M1AP: variants seen among roughly 807,000 people sequenced by gnomAD.
The protein encoded by M1AP is meiosis 1 associated protein.
Under a neutral mutation model 51.2 loss-of-function variants are expected in M1AP, and 39 were observed. The observed-to-expected ratio is 0.76, with a 90% confidence interval of 0.59 to 1.00. The LOEUF (loss-of-function observed/expected upper bound fraction) is 1.00. M1AP is among the 50% of genes least tolerant of loss of function. M1AP has a pLI of 0.00. For synonymous variants in M1AP, 251 were observed against 249.2 expected (o/e 1.01, Z -0.07); for missense variants, 545 against 641.2 (o/e 0.85, Z 1.62).
At chr2:74,629,797 G>A (rs1682601031) in intron 2 of M1AP, among the ~76,000 whole-genome samples, 1 of 151,984 alleles carries the variant, frequency 6.6e-6, no homozygotes, top group Admixed American at 6.5e-5. Context: ...TGTATATAAG[G>A]TATATACGAA....
chr2:74,587,950 T>C (rs1679812151), intron 4 of M1AP, among the ~76,000 whole-genome samples: 1 of 137,598 alleles, frequency 7.3e-6, no homozygotes, highest in Non-Finnish European at 1.5e-5. Flanking sequence ...AACCTTAAAA[T>C]AGGGTTATAA....
At chr2:74,562,561 G>GTCCCTCCCTACCA in intron 7 of M1AP, 138 bp from the exon 8 acceptor site, 1 of 787,902 alleles carries the variant, frequency 1.3e-6, no homozygotes. Context: ...CTGGTAGGGA[G>GTCCCTCCCTACCA]GGACTTCCTG....
At chr2:74,564,837 T>C (rs1678269707) in intron 7 of M1AP, among the ~76,000 whole-genome samples, 2 of 152,220 alleles carry the variant, frequency 1.3e-5, no homozygotes, top group Admixed American at 1.3e-4. Flanking sequence ...TAACTTCTGA[T>C]GGGGCTCAGG....
intron 1 of M1AP, among the ~76,000 whole-genome samples, chr2:74,642,255 A>G (rs1281872685): frequency 1.3e-5 from 2 of 150,910 alleles, no homozygotes; most frequent in Admixed American, 1.3e-4. Context: ...AAATATAGAG[A>G]AATTGAAACT....
Position 74,595,738 on chromosome 2 carries a change from C to T in M1AP, c.595+11317G>A, listed in dbSNP as rs192328365. On this transcript the variant is annotated intron_variant, in intron 4 of 10. Transcript: ENST00000421985. ...TATGTGAATGGGAGCAGTAAATGGA[C>T]TTAATAGCAAGTTTTCTATATTTTA... 2.2e-4 allele frequency among the ~76,000 whole-genome samples: 33 copies of T among 152,292 alleles called. 1 individual carries two copies. In the East Asian group the frequency reaches 6.4e-3, roughly 29 times the overall value.
intron 2 of M1AP, among the ~76,000 whole-genome samples, chr2:74,625,910 C>G (rs1272399756): frequency 6.6e-6 from 1 of 152,236 alleles, no homozygotes; most frequent in Non-Finnish European, 1.5e-5. Flanking sequence ...AATGCTACTG[C>G]TCTTCCAACA....
chr2:74,576,443 C>A lies in M1AP; in HGVS notation c.932+13G>T. The A allele has an allele frequency of 6.2e-7, 1 of 1,612,910 alleles. No individual in the cohort carries two copies. Among genetic ancestry groups the A allele is most frequent in the East Asian group, 2.2e-5 (1 of 44,864 alleles). ...GCATTTGCATGGATTGGGGAGGTTC[C>A]CTTGGACCATACTTGATCACTTGGA... On this transcript the variant is annotated intron_variant, in intron 6 of 10. Coordinates refer to ENST00000421985, the MANE Select transcript of M1AP (RefSeq NM_001321739.2).
In M1AP at chr2:74,615,004, T is replaced by C; in HGVS notation, c.386A>G (p.His129Arg). 1 of 1,614,156 alleles carries C rather than the reference T, an allele frequency of 6.2e-7. No homozygotes were observed. Among genetic ancestry groups the C allele is most frequent in the Non-Finnish European group, 8.5e-7 (1 of 1,180,010 alleles). ...GGTCAGAGCTGCCCTTGTGGTCACA[T>C]GTCTGCTGTATTGTTTGAATTGCTG... ...GLQQFKQYSR[H>R]VTTRAALTYT... is the part of the protein sequence containing the mutation. The change falls in exon 3 of 11, where the codon CAT becomes CGT. Residue 129 changes from histidine (H) to arginine (R), a missense_variant. Transcript: ENST00000421985.
chr2:74,595,581 A>G (rs555726955), intron 4 of M1AP, among the ~76,000 whole-genome samples: 1 of 152,204 alleles, frequency 6.6e-6, no homozygotes, highest in African/African-American at 2.4e-5. Flanking sequence ...TGAACTCCTG[A>G]GCTCAAGTGA....
chr2:74,624,333 G>A (rs772614825), intron 2 of M1AP, among the ~76,000 whole-genome samples: 2 of 152,184 alleles, frequency 1.3e-5, no homozygotes, highest in African/African-American at 2.4e-5. Context: ...GAACACTTGA[G>A]TATGGCTAAT....
At chr2:74,627,881 C>T (rs1286203337) in intron 2 of M1AP, among the ~76,000 whole-genome samples, 2 of 152,090 alleles carry the variant, frequency 1.3e-5, no homozygotes, top group African/African-American at 4.8e-5. Context: ...TCACTCTTAC[C>T]ATGAAAGCAA....
At chr2:74,629,203 A>C (rs1190332615) in intron 2 of M1AP, among the ~76,000 whole-genome samples, 1 of 152,238 alleles carries the variant, frequency 6.6e-6, no homozygotes, top group Non-Finnish European at 1.5e-5. Context: ...AGATAGGTTA[A>C]CATAGTAAAT....
chr2:74,633,264 G>A (rs1332926444), intron 2 of M1AP, among the ~76,000 whole-genome samples: 1 of 152,152 alleles, frequency 6.6e-6, no homozygotes. Flanking sequence ...TCAAATTTTA[G>A]TCAGGCTTCT....
intron 1 of M1AP, among the ~76,000 whole-genome samples, chr2:74,644,820 G>C (rs1388482356): frequency 6.6e-6 from 1 of 152,086 alleles, no homozygotes. Flanking sequence ...AGTACATGGG[G>C]CCAATTTCTA....
At chr2:74,629,576 C>A (rs1682587324) in intron 2 of M1AP, among the ~76,000 whole-genome samples, 1 of 152,084 alleles carries the variant, frequency 6.6e-6, no homozygotes, top group Non-Finnish European at 1.5e-5. Context: ...GATGGTGAAA[C>A]CCCATCTCTA....
At chr2:74,559,435 T>C (rs1008563949) in intron 10 of M1AP, among the ~76,000 whole-genome samples, 1 of 152,128 alleles carries the variant, frequency 6.6e-6, no homozygotes, top group African/African-American at 2.4e-5. Flanking sequence ...GCCGGAATTA[T>C]AGGCATAAGC....
intron 7 of M1AP, among the ~76,000 whole-genome samples, chr2:74,568,470 G>A (rs1436782646): frequency 1.3e-5 from 2 of 152,200 alleles, no homozygotes; most frequent in Non-Finnish European, 2.9e-5. Context: ...AGTATATGTT[G>A]ATTCTGGGAC....
chr2:74,610,258 C>T (rs182488856), intron 3 of M1AP, among the ~76,000 whole-genome samples: 16 of 152,276 alleles, frequency 1.1e-4, no homozygotes, highest in African/African-American at 3.4e-4. Context: ...ATCCTGCTGC[C>T]TTGGCCTTCC....
At chr2:74,588,533 T>A (rs1679851634) in intron 4 of M1AP, among the ~76,000 whole-genome samples, 1 of 152,240 alleles carries the variant, frequency 6.6e-6, no homozygotes, top group African/African-American at 2.4e-5. Flanking sequence ...AACATGAGAA[T>A]AATCTAACAG....
Sources: gnomAD v4.1 joint callset for allele counts (sites outside exome capture counted in the v4.1 genomes callset) on GRCh38, gnomAD v4.1.1 for gene constraint, MANE v1.5 for transcripts, NCBI Gene and HGNC (gene_info 2026-07-23, HGNC 2026-07-21) for gene names.